RIGI: variants seen among roughly 807,000 people sequenced by gnomAD.
The protein encoded by RIGI is antiviral innate immune response receptor RIG-I.
chr9:32,459,238 CT>C, the RIGI span: 8 of 1,166,196 alleles, frequency 6.9e-6, no homozygotes, highest in East Asian at 5.2e-5. Flanking sequence ...CACTTCTTAG[CT>C]TTTTTTAAAT....
the RIGI span, chr9:32,493,701 C>T: frequency 8.8e-7 from 1 of 1,138,790 alleles, no homozygotes. Context: ...GTATAGAAAA[C>T]AGAAGACCTT....
the RIGI span, chr9:32,491,224 T>C: frequency 6.5e-7 from 1 of 1,529,758 alleles, no homozygotes; most frequent in South Asian, 1.3e-5. Flanking sequence ...GCTGTGACTT[T>C]GGGTACTGCA....
At chr9:32,509,497 G>A in the RIGI span, among the ~76,000 whole-genome samples, 9 of 152,200 alleles carry the variant, frequency 5.9e-5, no homozygotes, top group African/African-American at 2.2e-4. Context: ...CAGCAGACCT[G>A]CAGCTGAGGG....
chr9:32,487,261 C>A, the RIGI span, among the ~76,000 whole-genome samples: 1 of 152,134 alleles, frequency 6.6e-6, no homozygotes, highest in African/African-American at 2.4e-5. Flanking sequence ...AATGTTTGCT[C>A]TCTACAGGCC....
At chr9:32,487,822 A>T in the RIGI span, 15 of 1,319,822 alleles carry the variant, frequency 1.1e-5, no homozygotes, top group Admixed American at 2.3e-4. Flanking sequence ...AAAATTCATA[A>T]TGAGTTGTAC....
the RIGI span, among the ~76,000 whole-genome samples, chr9:32,519,634 T>C: frequency 6.6e-6 from 1 of 152,212 alleles, no homozygotes; most frequent in Admixed American, 6.5e-5. Flanking sequence ...GTTTCAGATC[T>C]TTTCCTTTAA....
chr9:32,472,164 C>G, the RIGI span, among the ~76,000 whole-genome samples: 1 of 152,114 alleles, frequency 6.6e-6, no homozygotes, highest in Non-Finnish European at 1.5e-5. Context: ...TTGTAAAATA[C>G]ATAATATACA....
At chr9:32,491,098 GA>G in the RIGI span, among the ~76,000 whole-genome samples, 9 of 151,896 alleles carry the variant, frequency 5.9e-5, no homozygotes, top group African/African-American at 2.2e-4. Flanking sequence ...AGTAAAAGAA[GA>G]AAAAAAGATA....
chr9:32,508,208 A>G, the RIGI span, among the ~76,000 whole-genome samples: 2 of 117,896 alleles, frequency 1.7e-5, no homozygotes, highest in African/African-American at 5.9e-5. Context: ...AACAGACTCA[A>G]TCTAAAATTT....
chr9:32,513,608 C>T, the RIGI span, among the ~76,000 whole-genome samples: 3 of 152,154 alleles, frequency 2.0e-5, no homozygotes, highest in Admixed American at 6.5e-5. Flanking sequence ...AATGTAAGAC[C>T]TAAAACCATA....
the RIGI span, chr9:32,459,311 A>G: frequency 6.4e-7 from 1 of 1,558,542 alleles, no homozygotes; most frequent in Non-Finnish European, 8.7e-7. Flanking sequence ...ATATTTCACC[A>G]ACAGTAAGCT....
chr9:32,481,335 C>T, the RIGI span: 2 of 1,608,508 alleles, frequency 1.2e-6, no homozygotes, highest in Admixed American at 1.7e-5. Context: ...AAAAGAGGAA[C>T]GTACCCGCAA....
the RIGI span, among the ~76,000 whole-genome samples, chr9:32,516,335 C>T: frequency 1.3e-5 from 2 of 152,190 alleles, no homozygotes; most frequent in African/African-American, 4.8e-5. Flanking sequence ...AAGGCTTCTT[C>T]CCTGGCAATA....
At chr9:32,475,917 AT>A in the RIGI span, among the ~76,000 whole-genome samples, 3 of 152,118 alleles carry the variant, frequency 2.0e-5, no homozygotes, top group African/African-American at 4.8e-5. Context: ...TGCAAATCAC[AT>A]TTCTGACAGA....
chr9:32,467,845 T>C, the RIGI span: 7 of 1,613,724 alleles, frequency 4.3e-6, no homozygotes, highest in African/African-American at 9.3e-5. Flanking sequence ...AATGCCTTCA[T>C]CAGCAACTGA....
the RIGI span, among the ~76,000 whole-genome samples, chr9:32,469,889 G>A: frequency 2.0e-5 from 3 of 152,044 alleles, no homozygotes; most frequent in African/African-American, 2.4e-5. Flanking sequence ...CTCACAGGGC[G>A]GACCCACCTC....
chr9:32,472,902 CACAT>C, the RIGI span: 1 of 886,976 alleles, frequency 1.1e-6, no homozygotes, highest in Non-Finnish European at 1.7e-6. Context: ...TATACACACA[CACAT>C]ATACATACAC....
chr9:32,506,857 A>G, the RIGI span, among the ~76,000 whole-genome samples: 2 of 152,208 alleles, frequency 1.3e-5, no homozygotes, highest in African/African-American at 4.8e-5. Flanking sequence ...TAATTAATTC[A>G]TAAGTGTTCA....
the RIGI span, among the ~76,000 whole-genome samples, chr9:32,508,428 G>T: frequency 6.6e-6 from 1 of 151,868 alleles, no homozygotes; most frequent in South Asian, 2.1e-4. Flanking sequence ...TGGATAGACA[G>T]TGGGTGCAGC....
Sources: gnomAD v4.1 joint callset for allele counts (sites outside exome capture counted in the v4.1 genomes callset) on GRCh38, gnomAD v4.1.1 for gene constraint, MANE v1.5 for transcripts, NCBI Gene and HGNC (gene_info 2026-07-23, HGNC 2026-07-21) for gene names.